TG: variants seen among roughly 807,000 people sequenced by gnomAD.
The protein encoded by TG is thyroid hormones.
A neutral mutation model predicts 324.7 loss-of-function variants in TG; 270 were observed. The ratio of observed to expected loss-of-function variants is 0.83; its 90% CI spans 0.75 to 0.92. The LOEUF (loss-of-function observed/expected upper bound fraction) is 0.92, where lower values mean the gene tolerates loss of function less well. Ranked by LOEUF, TG falls within the 40% of genes least tolerant of loss-of-function variation. The pLI, the probability that TG is intolerant of heterozygous loss-of-function variation, is 0.00. For missense variants in TG, 3,591 were observed against 3,456.4 expected (o/e 1.04, Z -0.98); for synonymous variants, 1,401 against 1,327.0 (o/e 1.06, Z -1.21).
chr8:132,978,000 A>C (rs188438443), intron 34 of TG, among the ~76,000 whole-genome samples: 4 of 152,228 alleles, frequency 2.6e-5, no homozygotes, highest in African/African-American at 9.6e-5. Flanking sequence ...AACCTTTCTT[A>C]AGCATTACTG....
chr8:133,121,530 G>T (rs186639721), intron 45 of TG, among the ~76,000 whole-genome samples: 1 of 152,254 alleles, frequency 6.6e-6, no homozygotes, highest in Non-Finnish European at 1.5e-5. Context: ...TTATAGTAGC[G>T]GTATTGCTAT....
At position 132,908,279 on chromosome 8, in the gene TG, T is replaced by C. The variant is rs1472610765; in HGVS notation, c.3941T>C (p.Leu1314Pro). ...KMCSADYADL[L>P]QTFQVFILDE... is the part of the protein sequence containing the mutation. ...TGCAGTGCTGACTACGCGGATTTGC[T>C]GCAGACTTTCCAGGTTTTCATATTG... The change falls in exon 18 of 48, where the codon CTG (leucine) becomes CCG (proline). Residue 1314 changes from leucine (L) to proline (P), a missense_variant. Transcript: ENST00000220616. 8 of 1,613,566 alleles carry C rather than the reference T, an allele frequency of 5.0e-6. No individual in the cohort carries two copies. The highest frequency in any genetic ancestry group is 6.8e-6 in the Non-Finnish European group (8 of 1,179,902).
chr8:133,046,045 G>A lies in TG; in HGVS notation c.7239+16022G>A, dbSNP rs141281804. Reference sequence around the variant, plus strand: ...TGAAAGGCGGGTTATTGCTCCTTAAGCCTCGTTAGAGCAATGACCTGATAT... The same window carrying A: ...TGAAAGGCGGGTTATTGCTCCTTAAACCTCGTTAGAGCAATGACCTGATAT... On this transcript the variant is annotated intron_variant, in intron 41 of 47. Coordinates refer to ENST00000220616, the MANE Select transcript of TG (RefSeq NM_003235.5). Among the ~76,000 whole-genome samples, 4 of 152,262 alleles carry A rather than the reference G, an allele frequency of 2.6e-5. No homozygotes were observed. The South Asian group carries it at 6.2e-4, about 24-fold the overall frequency.
chr8:133,007,878 C>CACT (rs1026232802), intron 35 of TG, among the ~76,000 whole-genome samples: 2 of 151,184 alleles, frequency 1.3e-5, no homozygotes, highest in African/African-American at 4.9e-5. Flanking sequence ...TCTAGGTGGC[C>CACT]ACTCAGGGTC....
At chr8:133,102,677 C>G in intron 43 of TG, 1 of 979,720 alleles carries the variant, frequency 1.0e-6, no homozygotes. Context: ...TCCCCCTTTT[C>G]TCTTTCTTTC....
chr8:133,025,494 C>G (rs74306340), intron 40 of TG, among the ~76,000 whole-genome samples: 3 of 152,166 alleles, frequency 2.0e-5, no homozygotes, highest in African/African-American at 7.2e-5. Flanking sequence ...TCCCTCTCCC[C>G]CTCCTTCTTG....
rs1816710573 is a variant in TG, at chr8:132,893,882, A to G, written c.2954A>G (p.Gln985Arg). Residue 985 changes from glutamine (Q) to arginine (R), a missense_variant, in exon 11 of 48, where the codon CAG becomes CGG. By Grantham distance (43) the Gln-to-Arg change is conservative. Coordinates refer to ENST00000220616, the MANE Select transcript of TG (RefSeq NM_003235.5). ...LFPPREAFAE[Q>R]FLRGSDYAIR... ...CCGCCCCGGGAGGCTTTCGCGGAGC[A>G]GTTTCTGCGTGGGAGTGATTACGCC... The G allele has an allele frequency of 6.2e-7, 1 of 1,613,916 alleles. No homozygotes were observed. The highest frequency in any genetic ancestry group is 1.7e-5 in the Admixed American group (1 of 59,992).
At chr8:132,900,459 T>TATGGAAGCAGTA in intron 15 of TG, 120 bp downstream of exon 15, 2 of 900,186 alleles carry the variant, frequency 2.2e-6, no homozygotes, top group Non-Finnish European at 1.8e-6. Flanking sequence ...GGGGCACAGC[T>TATGGAAGCAGTA]GCTGACCTCA....
intron 13 of TG, 86 bp from the exon 14 acceptor site, chr8:132,898,712 A>G: frequency 3.5e-6 from 4 of 1,126,946 alleles, no homozygotes; most frequent in Middle Eastern, 5.5e-4. Flanking sequence ...CAGGCTCATG[A>G]CCCTTAAAGG....
chr8:132,919,693 A>G (rs1563955995), intron 21 of TG, among the ~76,000 whole-genome samples, 168 bp downstream of exon 21: 1 of 152,218 alleles, frequency 6.6e-6, no homozygotes, highest in African/African-American at 2.4e-5. Flanking sequence ...CTCAGATGCC[A>G]GTAGCACTCC....
chr8:132,991,546 C>T (rs1832330464), intron 35 of TG, among the ~76,000 whole-genome samples: 2 of 152,238 alleles, frequency 1.3e-5, no homozygotes, highest in South Asian at 4.1e-4. Flanking sequence ...CGCACACACG[C>T]ACACAAGCCA....
chr8:132,885,431 A>T (rs1259964096), intron 8 of TG, among the ~76,000 whole-genome samples: 2 of 151,730 alleles, frequency 1.3e-5, no homozygotes, highest in Admixed American at 6.6e-5. Context: ...AGGAAGTATT[A>T]TATTTCCTAT....
chr8:133,116,763 T>C (rs774097588), intron 45 of TG, 47 bp downstream of exon 45: 2 of 1,519,108 alleles, frequency 1.3e-6, no homozygotes, highest in Admixed American at 1.7e-5. Flanking sequence ...AACCGAATGA[T>C]AAGTCCCAGT....
chr8:133,039,790 C>G (rs570386527), intron 41 of TG, among the ~76,000 whole-genome samples: 10 of 152,314 alleles, frequency 6.6e-5, no homozygotes, highest in Non-Finnish European at 1.5e-4. Context: ...CCACACACCT[C>G]GTGAGGCCTG....
intron 43 of TG, among the ~76,000 whole-genome samples, chr8:133,108,898 G>T (rs1280355984): frequency 1.3e-5 from 2 of 152,236 alleles, no homozygotes; most frequent in Non-Finnish European, 2.9e-5. Context: ...GCCCGGGACA[G>T]GTTAATAATC....
intron 41 of TG, among the ~76,000 whole-genome samples, chr8:133,088,407 G>C (rs192597479): frequency 2.0e-5 from 3 of 152,246 alleles, no homozygotes; most frequent in African/African-American, 7.2e-5. Context: ...AGCACAGTGT[G>C]GGGGGAACAA....
At chr8:133,106,571 C>T (rs147346958) in intron 43 of TG, 10,499 of 496,842 alleles carry the variant, frequency 0.021, 146 homozygotes, top group Non-Finnish European at 0.023. Context: ...CCGTGGACCT[C>T]GCTGCTCCCC....
At chr8:132,981,862 A>T (rs1170100384) in intron 34 of TG, among the ~76,000 whole-genome samples, 1 of 152,154 alleles carries the variant, frequency 6.6e-6, no homozygotes, top group African/African-American at 2.4e-5. Context: ...ACATAATAGG[A>T]TTGAAGGCTC....
rs140092382 is a variant in TG at position 133,050,388 on chromosome 8, T to A, written c.7239+20365T>A. The A allele has an allele frequency of 1.9e-3, 549 of 282,370 alleles. 4 individuals carry two copies. The highest frequency in any genetic ancestry group is 0.011 in the African/African-American group (496 of 46,516). 17.5% of individuals were successfully genotyped at this position (282,370 alleles called of 1,614,324 possible). On this transcript the variant is annotated intron_variant, in intron 41 of 47. Coordinates refer to ENST00000220616, the MANE Select transcript of TG (RefSeq NM_003235.5). ...TAAAAGGGGCTTAGAACTTCTGTCA[T>A]GTTCTATAGCCCATATTGAATCAGA...
Sources: gnomAD v4.1 joint callset for allele counts (sites outside exome capture counted in the v4.1 genomes callset) on GRCh38, gnomAD v4.1.1 for gene constraint, MANE v1.5 for transcripts, NCBI Gene and HGNC (gene_info 2026-07-23, HGNC 2026-07-21) for gene names.